The following IMMP2L variants were observed in gnomAD, a reference collection of about 807,000 sequenced individuals.
IMMP2L encodes mitochondrial inner membrane protease subunit 2.
A neutral mutation model predicts 19.3 loss-of-function variants in IMMP2L; 18 were observed. That is an observed-to-expected ratio of 0.93 (90% CI 0.64 to 1.38). The LOEUF is 1.38. Ranked by LOEUF, IMMP2L falls within the 40% of genes most tolerant of loss-of-function variation. The probability of loss-of-function intolerance (pLI) is 0.00; values close to 1 mark genes in which losing one functional copy is unlikely to be tolerated. For synonymous variants in IMMP2L, 76 were observed against 73.0 expected (o/e 1.04, Z -0.21); for missense variants, 233 against 218.2 (o/e 1.07, Z -0.43).
intron 5 of IMMP2L, among the ~76,000 whole-genome samples, chr7:110,676,177 T>C (rs1212032717): frequency 6.6e-6 from 1 of 152,210 alleles, no homozygotes; most frequent in Non-Finnish European, 1.5e-5. Context: ...TGTGATGTTA[T>C]GTAATAATTT....
chr7:111,523,164 A>G (rs1053962228), intron 1 of IMMP2L, among the ~76,000 whole-genome samples: 4 of 151,970 alleles, frequency 2.6e-5, no homozygotes, highest in Admixed American at 2.6e-4. Context: ...CTCAAAGGAT[A>G]TATAATTATA....
At chr7:111,561,374 T>C (rs76734931) in intron 1 of IMMP2L, among the ~76,000 whole-genome samples, 18 of 152,296 alleles carry the variant, frequency 1.2e-4, no homozygotes, top group Non-Finnish European at 2.1e-4. Flanking sequence ...TGTAATCTTG[T>C]TACTAACTTT....
Position 111,347,636 on chromosome 7 carries a change from G to A in IMMP2L, c.239+139602C>T, listed in dbSNP as rs552390349. Among the ~76,000 whole-genome samples, 101 of 152,066 alleles carry A rather than the reference G, an allele frequency of 6.6e-4. 1 individual carries two copies. The highest frequency in any genetic ancestry group is 3.4e-3 in the Admixed American group (52 of 15,242). ...GGCTACAGAGAGGAAGCCTCTCTCC[G>A]GTGTTCATATTTCCCAATCACCTGA... On this transcript the variant is annotated intron_variant, in intron 3 of 5. Coordinates refer to ENST00000405709, the MANE Select transcript of IMMP2L (RefSeq NM_032549.4).
rs764658598 is a variant in IMMP2L at position 111,213,327 on chromosome 7, T to C, written c.240-249762A>G. Among the ~76,000 whole-genome samples, 6 of 152,072 alleles carry C rather than the reference T, an allele frequency of 3.9e-5. No homozygotes were observed. Among genetic ancestry groups the C allele is most frequent in the Admixed American group, 1.3e-4 (2 of 15,272 alleles). On this transcript the variant is annotated intron_variant, in intron 3 of 5. Coordinates refer to ENST00000405709, the MANE Select transcript of IMMP2L (RefSeq NM_032549.4). The surrounding 1 kb of genome is among the most constrained non-coding windows in gnomAD (Gnocchi z 4.8). The stretch of plus-strand genomic sequence containing the variant: ...TCCAGGCTTTGGGTGCCAATGAGCA[T>C]GGGAGGGAGGCTGAGTGGGGCCTGA...
intron 3 of IMMP2L, among the ~76,000 whole-genome samples, chr7:111,355,297 AATGCATGACATC>A (rs1828587616): frequency 1.3e-5 from 2 of 151,862 alleles, no homozygotes; most frequent in African/African-American, 4.8e-5. Flanking sequence ...TAATAATACT[AATGCATGACATC>A]AGTTTGGTGA....
At chr7:110,815,691 T>C (rs1169187231) in intron 5 of IMMP2L, among the ~76,000 whole-genome samples, 1 of 152,154 alleles carries the variant, frequency 6.6e-6, no homozygotes, top group Non-Finnish European at 1.5e-5. Context: ...TGGTTTAGTC[T>C]TGGGAGGGTG....
chr7:111,491,371 C>G (rs1843084618), intron 2 of IMMP2L, among the ~76,000 whole-genome samples: 1 of 152,048 alleles, frequency 6.6e-6, no homozygotes, highest in Non-Finnish European at 1.5e-5. Flanking sequence ...CCCTCACCCC[C>G]TCGTTGTTCA....
chr7:110,912,159 A>G (rs1477753318), intron 4 of IMMP2L, among the ~76,000 whole-genome samples: 12 of 152,162 alleles, frequency 7.9e-5, no homozygotes, highest in African/African-American at 2.9e-4. Context: ...ACACATTGTA[A>G]ATGAAAGAAG....
chr7:111,411,443 G>A (rs1405578962), intron 3 of IMMP2L: 2 of 501,692 alleles, frequency 4.0e-6, no homozygotes, highest in Middle Eastern at 6.6e-4. Context: ...GACCTCCTTG[G>A]AGCTCTTCGT....
chr7:111,315,139 G>C (rs918461402), intron 3 of IMMP2L, among the ~76,000 whole-genome samples: 2 of 152,104 alleles, frequency 1.3e-5, no homozygotes, highest in Non-Finnish European at 2.9e-5. Context: ...GCAAACATTT[G>C]TGACGCTATC....
intron 3 of IMMP2L, among the ~76,000 whole-genome samples, chr7:111,257,274 T>C (rs1475495214): frequency 6.6e-6 from 1 of 152,128 alleles, no homozygotes; most frequent in Non-Finnish European, 1.5e-5. Flanking sequence ...AATAGGGGTG[T>C]TATTCAATTA....
intron 3 of IMMP2L, among the ~76,000 whole-genome samples, chr7:110,987,784 G>A (rs1488646266): frequency 6.6e-6 from 1 of 151,942 alleles, no homozygotes; most frequent in Non-Finnish European, 1.5e-5. Context: ...AGATGGTATG[G>A]GCAACATGGC....
chr7:111,141,440 CTT>C (rs906005789), intron 3 of IMMP2L, among the ~76,000 whole-genome samples: 1 of 147,670 alleles, frequency 6.8e-6, no homozygotes, highest in Admixed American at 6.8e-5. Flanking sequence ...ACATTTCTTT[CTT>C]TTTTTTTTGT....
chr7:111,122,966 C>T lies in IMMP2L; in HGVS notation c.240-159401G>A, dbSNP rs551711784. ...GATTTAGGTCTTTTAACTTTCCCAGCCAGATTGCCAGCTAACACACAGATT... is the reference window on the plus strand; with the variant it reads ...GATTTAGGTCTTTTAACTTTCCCAGTCAGATTGCCAGCTAACACACAGATT... On this transcript the variant is annotated intron_variant, in intron 3 of 5. Transcript: ENST00000405709. 27 of 1,613,962 alleles carry T rather than the reference C, an allele frequency of 1.7e-5. No homozygotes were observed. The South Asian group carries it at 2.6e-4, about 16-fold the overall frequency.
intron 3 of IMMP2L, among the ~76,000 whole-genome samples, chr7:110,983,587 A>G (rs1821533739): frequency 6.6e-6 from 1 of 152,066 alleles, no homozygotes; most frequent in South Asian, 2.1e-4. Context: ...CTACATGCCT[A>G]CATGATAATT....
At chr7:111,189,325 T>C (rs1209616674) in intron 3 of IMMP2L, among the ~76,000 whole-genome samples, 1 of 150,360 alleles carries the variant, frequency 6.7e-6, no homozygotes, top group Non-Finnish European at 1.5e-5. Flanking sequence ...GTATCAATGA[T>C]AACTATTAAA....
chr7:111,476,038 C>G (rs1841692870), intron 3 of IMMP2L, among the ~76,000 whole-genome samples: 1 of 152,148 alleles, frequency 6.6e-6, no homozygotes, highest in Middle Eastern at 3.2e-3. Flanking sequence ...AACTTCCTAA[C>G]AATTCCATTT....
rs1800829472 is a variant in IMMP2L at position 111,122,937 on chromosome 7, T to C, written c.240-159372A>G. On this transcript the variant is annotated intron_variant, in intron 3 of 5. Coordinates refer to ENST00000405709, the MANE Select transcript of IMMP2L (RefSeq NM_032549.4). The stretch of plus-strand genomic sequence containing the variant: ...ATATGGAAGCATCTACAGTGGATTG[T>C]AATGATTTAGGTCTTTTAACTTTCC... 4 of 1,614,074 alleles carry C rather than the reference T, an allele frequency of 2.5e-6. No individual in the cohort carries two copies. In the East Asian group the frequency reaches 6.7e-5, roughly 27 times the overall value.
intron 3 of IMMP2L, among the ~76,000 whole-genome samples, chr7:111,116,271 T>G (rs1196885324): frequency 4.6e-5 from 7 of 152,100 alleles, no homozygotes. Context: ...AAATAAAAGT[T>G]CTTAAACATG....
Sources: gnomAD v4.1 joint callset for allele counts (sites outside exome capture counted in the v4.1 genomes callset) on GRCh38, gnomAD v4.1.1 for gene constraint, Gnocchi (gnomAD v3.1) non-coding constraint, MANE v1.5 for transcripts, NCBI Gene and HGNC (gene_info 2026-07-23, HGNC 2026-07-21) for gene names.